R3HDM2: variants seen among roughly 807,000 people sequenced by gnomAD.
The protein encoded by R3HDM2 is R3H domain containing 2, also known as R3H domain-containing protein 2.
In R3HDM2, 38 loss-of-function variants were observed where a neutral mutation model predicts 124.5. The ratio of observed to expected loss-of-function variants is 0.31; its 90% CI spans 0.24 to 0.40. The LOEUF (loss-of-function observed/expected upper bound fraction) is 0.40, where lower values mean the gene tolerates loss of function less well. Among genes scored for constraint, R3HDM2 ranks in the 10% least tolerant of loss-of-function variants. The pLI, the probability that R3HDM2 is intolerant of heterozygous loss-of-function variation, is 1.00. For synonymous variants in R3HDM2, 391 were observed against 448.0 expected, an observed-to-expected ratio of 0.87 and a Z score of 1.61; for missense variants, 869 against 1,236.9, an observed-to-expected ratio of 0.70 and a Z score of 4.46.
At chr12:57,311,401 A>G (rs914806241) in intron 2 of R3HDM2, among the ~76,000 whole-genome samples, 3 of 151,230 alleles carry the variant, frequency 2.0e-5, no homozygotes, top group Non-Finnish European at 4.4e-5. Context: ...AATTTTTTCT[A>G]TTTTTTAGTA....
intron 19 of R3HDM2, among the ~76,000 whole-genome samples, chr12:57,263,341 C>G (rs2041371139): frequency 1.3e-5 from 2 of 152,170 alleles, no homozygotes; most frequent in African/African-American, 4.8e-5. Flanking sequence ...TATCTATACC[C>G]CACTGGAAAT....
At chr12:57,323,885 G>A (rs994753655) in intron 2 of R3HDM2, among the ~76,000 whole-genome samples, 7 of 152,074 alleles carry the variant, frequency 4.6e-5, no homozygotes, top group Non-Finnish European at 8.8e-5. Context: ...TCCCTCTAAT[G>A]CTTCCATTTC....
At chr12:57,309,107 AT>A (rs2139034120) in intron 3 of R3HDM2, among the ~76,000 whole-genome samples, 1 of 152,342 alleles carries the variant, frequency 6.6e-6, no homozygotes, top group South Asian at 2.1e-4. Context: ...ATTTTAATTC[AT>A]TCCTTTATAT....
rs1215470163 is a variant in R3HDM2, at chr12:57,258,904, C to G, written c.2287G>C (p.Asp763His). Residue 763 changes from aspartate to histidine, a missense_variant, in exon 20 of 24, where the codon GAC (aspartate) becomes CAC (histidine). Physicochemically the swap from Asp to His is moderately conservative, Grantham distance 81. Coordinates refer to ENST00000402412, the MANE Select transcript of R3HDM2 (RefSeq NM_001394031.1). ...GQKPGDLYSPDSSPQANTQMS... is the reference protein window; with the variant it reads ...GQKPGDLYSPHSSPQANTQMS... ...GCTGCACTCACCTGGGGGCTGCTGTCAGGACTGTACAGGTCTCCAGGCTTC... is the reference window on the plus strand; with the variant it reads ...GCTGCACTCACCTGGGGGCTGCTGTGAGGACTGTACAGGTCTCCAGGCTTC... The G allele has an allele frequency of 6.3e-7, 1 of 1,594,844 alleles. No individual in the cohort carries two copies.
intron 2 of R3HDM2, among the ~76,000 whole-genome samples, chr12:57,373,009 T>C (rs1246085537): frequency 1.3e-5 from 2 of 152,184 alleles, no homozygotes; most frequent in Admixed American, 6.5e-5. Flanking sequence ...AGGAGATTGA[T>C]ACTAGCCTGG....
At chr12:57,354,045 G>A (rs1031160375) in intron 2 of R3HDM2, among the ~76,000 whole-genome samples, 1 of 151,852 alleles carries the variant, frequency 6.6e-6, no homozygotes, top group Non-Finnish European at 1.5e-5. Flanking sequence ...GTAGAGACAG[G>A]GTTTCACCAT....
Position 57,291,517 on chromosome 12 carries a change from G to A in R3HDM2, c.906+1055C>T, listed in dbSNP as rs117084721. On this transcript the variant is annotated intron_variant, in intron 11 of 23. Transcript: ENST00000402412. ...AAAAATAAAAAAGTTAGCCAGGCGTGGTAATGCGTGCCTGTAATCCCAGCT... is the reference window on the plus strand; with the variant it reads ...AAAAATAAAAAAGTTAGCCAGGCGTAGTAATGCGTGCCTGTAATCCCAGCT... Among the ~76,000 whole-genome samples, 320 of 151,912 alleles carry A rather than the reference G, an allele frequency of 2.1e-3. 9 individuals are homozygous for A. The East Asian group carries it at 0.049, about 23-fold the overall frequency.
intron 12 of R3HDM2, among the ~76,000 whole-genome samples, chr12:57,285,383 T>C (rs1321846139): frequency 6.6e-6 from 1 of 152,002 alleles, no homozygotes; most frequent in Non-Finnish European, 1.5e-5. Flanking sequence ...AAGAATACAC[T>C]GGCACAACTG....
chr12:57,262,855 T>C (rs901963341), intron 19 of R3HDM2, among the ~76,000 whole-genome samples: 1 of 152,072 alleles, frequency 6.6e-6, no homozygotes, highest in Non-Finnish European at 1.5e-5. Context: ...TACCACTATC[T>C]AGGAAAAGTA....
At chr12:57,382,319 C>G (rs962621414) in intron 2 of R3HDM2, among the ~76,000 whole-genome samples, 4 of 150,042 alleles carry the variant, frequency 2.7e-5, no homozygotes, top group Non-Finnish European at 5.9e-5. Flanking sequence ...ACTATGTTGT[C>G]CAGGCTGGTC....
chr12:57,401,382 C>T (rs893521607), intron 1 of R3HDM2, among the ~76,000 whole-genome samples: 4 of 152,078 alleles, frequency 2.6e-5, no homozygotes, highest in Admixed American at 6.6e-5. Context: ...AGAGGCCATA[C>T]CAACCTAGAG....
intron 2 of R3HDM2, among the ~76,000 whole-genome samples, chr12:57,336,991 G>C (rs1184037887): frequency 6.6e-6 from 1 of 152,078 alleles, no homozygotes; most frequent in African/African-American, 2.4e-5. Flanking sequence ...AAAAAGTCTA[G>C]ATCTCATGTG....
At chr12:57,352,615 C>G (rs376304218) in intron 2 of R3HDM2, among the ~76,000 whole-genome samples, 2 of 151,732 alleles carry the variant, frequency 1.3e-5, no homozygotes, top group South Asian at 4.2e-4. Flanking sequence ...GTCTCAGCCT[C>G]GTGAGTAGCT....
At chr12:57,271,677 A>G (rs1033629259) in intron 14 of R3HDM2, among the ~76,000 whole-genome samples, 1 of 152,232 alleles carries the variant, frequency 6.6e-6, no homozygotes, top group African/African-American at 2.4e-5. Context: ...GAAAAAGTAG[A>G]TGTTAAGACA....
chr12:57,283,779 G>T (rs2046722016), intron 13 of R3HDM2, 45 bp downstream of exon 13: 1 of 1,571,702 alleles, frequency 6.4e-7, no homozygotes. Context: ...CAGGAGACAA[G>T]CAAGAAGGGA....
chr12:57,365,642 G>C (rs2062549821), intron 2 of R3HDM2, among the ~76,000 whole-genome samples: 1 of 152,062 alleles, frequency 6.6e-6, no homozygotes, highest in South Asian at 2.1e-4. Context: ...AATTGCTTAA[G>C]ATCAGTGATA....
intron 2 of R3HDM2, among the ~76,000 whole-genome samples, chr12:57,367,013 T>G (rs1269907529): frequency 1.3e-5 from 2 of 152,262 alleles, no homozygotes; most frequent in East Asian, 3.9e-4. Flanking sequence ...ACTTAGTGAC[T>G]TAGAAATAGT....
intron 2 of R3HDM2, among the ~76,000 whole-genome samples, chr12:57,365,264 C>T (rs1008618792): frequency 4.4e-5 from 6 of 137,568 alleles, no homozygotes; most frequent in African/African-American, 1.4e-4. Context: ...ACTCTGTCTC[C>T]AAAAAAAAAG....
At chr12:57,422,786 G>C (rs921431516) in intron 1 of R3HDM2, among the ~76,000 whole-genome samples, 1 of 151,992 alleles carries the variant, frequency 6.6e-6, no homozygotes, top group Admixed American at 6.6e-5. Flanking sequence ...TTCAAGACCA[G>C]CCTGGGCAAC....
Sources: allele counts gnomAD v4.1 joint callset (sites outside exome capture counted in the v4.1 genomes callset), GRCh38; gene constraint gnomAD v4.1.1; transcripts MANE v1.5; gene names NCBI Gene and HGNC (gene_info 2026-07-23, HGNC 2026-07-21).